PTPRQ: variants seen among roughly 807,000 people sequenced by gnomAD.
PTPRQ encodes phosphatidylinositol phosphatase PTPRQ.
In PTPRQ, 199 loss-of-function variants were observed where a neutral mutation model predicts 246.0. That is an observed-to-expected ratio of 0.81 (90% CI 0.72 to 0.91). The LOEUF is 0.91. PTPRQ is among the 40% of genes least tolerant of loss of function. PTPRQ has a pLI of 0.00. For missense variants in PTPRQ, 2,624 were observed against 2,528.4 expected, an observed-to-expected ratio of 1.04 and a Z score of -0.81; for synonymous variants, 869 against 853.2, an observed-to-expected ratio of 1.02 and a Z score of -0.32.
chr12:80,670,143 A>G (rs944138079), intron 41 of PTPRQ, among the ~76,000 whole-genome samples: 1 of 152,098 alleles, frequency 6.6e-6, no homozygotes, highest in Non-Finnish European at 1.5e-5. Context: ...AAGCTTTCTT[A>G]TGTTTTCATT....
Position 80,496,113 on chromosome 12 carries a change from A to G in PTPRQ, c.1990+7A>G, listed in dbSNP as rs1375310074. 1.3e-6 allele frequency: 2 copies of G among 1,544,240 alleles called. No homozygotes were observed. Among genetic ancestry groups the G allele is most frequent in the Non-Finnish European group, 1.7e-6 (2 of 1,144,936 alleles). On this transcript the variant is annotated splice_region_variant and intron_variant, in intron 13 of 44. Coordinates refer to ENST00000644991, the MANE Select transcript of PTPRQ (RefSeq NM_001145026.2). ...GTGAGAACTTCAGAAGATGGTAAGAATATCAATTGCAGCTTTAATTTTTTT... is the reference window on the plus strand; with the variant it reads ...GTGAGAACTTCAGAAGATGGTAAGAGTATCAATTGCAGCTTTAATTTTTTT...
chr12:80,483,635 A>T (rs1894159633), intron 8 of PTPRQ, among the ~76,000 whole-genome samples: 1 of 152,094 alleles, frequency 6.6e-6, no homozygotes, highest in African/African-American at 2.4e-5. Flanking sequence ...TGCAGAACGT[A>T]TAGGTTTGTT....
intron 17 of PTPRQ, among the ~76,000 whole-genome samples, chr12:80,520,517 CA>C (rs1425132817): frequency 1.6e-5 from 2 of 125,834 alleles, no homozygotes; most frequent in African/African-American, 5.9e-5. Context: ...CCCCTCCCCC[CA>C]CCCCACAACA....
intron 25 of PTPRQ, among the ~76,000 whole-genome samples, chr12:80,577,107 T>C (rs1897296066): frequency 6.6e-6 from 1 of 152,224 alleles, no homozygotes; most frequent in South Asian, 2.1e-4. Flanking sequence ...ATGAGATGAC[T>C]TACTGCATGC....
intron 8 of PTPRQ, among the ~76,000 whole-genome samples, chr12:80,477,966 A>G (rs967455975): frequency 3.9e-5 from 6 of 152,190 alleles, no homozygotes; most frequent in Admixed American, 6.5e-5. Context: ...GGCGCCCGCC[A>G]TTGCCCAGGC....
chr12:80,611,516 T>C (rs1898549973), intron 28 of PTPRQ, among the ~76,000 whole-genome samples: 1 of 150,316 alleles, frequency 6.7e-6, no homozygotes, highest in African/African-American at 2.4e-5. Context: ...GTCTGCCAAG[T>C]ATCACAGGTA....
intron 17 of PTPRQ, among the ~76,000 whole-genome samples, chr12:80,525,223 C>T (rs530383187): frequency 4.0e-4 from 61 of 152,044 alleles, no homozygotes; most frequent in Admixed American, 1.6e-3. Flanking sequence ...AAGGCATATG[C>T]GGAACTATTG....
chr12:80,444,671 A>G, intron 1 of PTPRQ, 70 bp from the exon 2 acceptor site: 1 of 1,137,814 alleles, frequency 8.8e-7, no homozygotes, highest in South Asian at 1.3e-5. Context: ...TGTTATAGTG[A>G]TAGATTTATT....
chr12:80,640,025 CGTGTGTGTGTGTGTGTGT>C (rs149812346), intron 35 of PTPRQ, among the ~76,000 whole-genome samples: 7 of 142,906 alleles, frequency 4.9e-5, no homozygotes, highest in African/African-American at 1.8e-4. Context: ...TGAAGATACA[CGTGTGTGTGTGTGTGTGT>C]GTGTGTGTGT....
intron 35 of PTPRQ, among the ~76,000 whole-genome samples, chr12:80,635,929 A>T (rs1360801926): frequency 6.6e-6 from 1 of 152,188 alleles, no homozygotes; most frequent in African/African-American, 2.4e-5. Flanking sequence ...TATGGCATCA[A>T]ATGTCTTGGA....
At position 80,522,000 on chromosome 12, in the gene PTPRQ, G is replaced by A. The variant is rs142096266; in HGVS notation, c.2678+11557G>A. On this transcript the variant is annotated intron_variant, in intron 17 of 44. Coordinates refer to ENST00000644991, the MANE Select transcript of PTPRQ (RefSeq NM_001145026.2). ...TTGATTCTTCCTACCATGAGCATGG[G>A]ATGTTCTTCCATTTGTTTGTATCCT... 6.4e-3 allele frequency among the ~76,000 whole-genome samples: 971 copies of A among 152,104 alleles called. 10 individuals are homozygous for A. The highest frequency in any genetic ancestry group is 0.021 in the African/African-American group (871 of 41,522).
chr12:80,597,330 C>T (rs1023072744), intron 26 of PTPRQ, among the ~76,000 whole-genome samples: 54 of 152,054 alleles, frequency 3.6e-4, no homozygotes, highest in Admixed American at 3.3e-4. Context: ...CAGTTTGTTC[C>T]AATGCAGAGC....
intron 39 of PTPRQ, among the ~76,000 whole-genome samples, chr12:80,665,797 T>G (rs1900768230): frequency 6.6e-6 from 1 of 151,718 alleles, no homozygotes; most frequent in Non-Finnish European, 1.5e-5. Context: ...TGAATGAACA[T>G]CTCTCAAAAG....
intron 3 of PTPRQ, among the ~76,000 whole-genome samples, chr12:80,453,158 C>A (rs373221286): frequency 1.3e-5 from 2 of 152,254 alleles, no homozygotes; most frequent in African/African-American, 2.4e-5. Context: ...TTGATCGCAT[C>A]GGCTCCTGAG....
chr12:80,527,956 A>G (rs572987897), intron 17 of PTPRQ, among the ~76,000 whole-genome samples: 7 of 152,256 alleles, frequency 4.6e-5, no homozygotes, highest in African/African-American at 1.7e-4. Flanking sequence ...ATGGTAACAT[A>G]TGCTTGTATC....
At chr12:80,638,890 T>C (rs1899754720) in intron 35 of PTPRQ, among the ~76,000 whole-genome samples, 1 of 152,246 alleles carries the variant, frequency 6.6e-6, no homozygotes, top group Non-Finnish European at 1.5e-5. Flanking sequence ...ACTATAATTC[T>C]TAGGAAGAAT....
chr12:80,513,857 A>G (rs1223408681), intron 17 of PTPRQ, among the ~76,000 whole-genome samples: 1 of 152,158 alleles, frequency 6.6e-6, no homozygotes, highest in Non-Finnish European at 1.5e-5. Flanking sequence ...AACCTCAGGT[A>G]GCTAGATACT....
At chr12:80,465,720 T>G (rs539210938) in intron 6 of PTPRQ, among the ~76,000 whole-genome samples, 445 of 152,134 alleles carry the variant, frequency 2.9e-3, no homozygotes, top group African/African-American at 0.01. Flanking sequence ...TCAATAAATG[T>G]AATCCAGCAT....
intron 30 of PTPRQ, among the ~76,000 whole-genome samples, chr12:80,618,234 CT>C (rs1565821937): frequency 6.6e-6 from 1 of 151,290 alleles, no homozygotes; most frequent in East Asian, 1.9e-4. Flanking sequence ...GCTCTTTTCC[CT>C]ATCTACAAAA....
Sources: gnomAD v4.1 joint callset for allele counts (sites outside exome capture counted in the v4.1 genomes callset) on GRCh38, gnomAD v4.1.1 for gene constraint, MANE v1.5 for transcripts, NCBI Gene and HGNC (gene_info 2026-07-23, HGNC 2026-07-21) for gene names.